Variants in C1orf54 observed in about 807,000 individuals in gnomAD.
The protein encoded by C1orf54 is uncharacterized protein C1orf54.
In C1orf54, 12 loss-of-function variants were observed where a neutral mutation model predicts 14.7. That is an observed-to-expected ratio of 0.82 (90% confidence interval 0.52 to 1.32). The LOEUF (loss-of-function observed/expected upper bound fraction) is 1.32, where lower values mean the gene tolerates loss of function less well. Among genes scored for constraint, C1orf54 ranks in the 40% most tolerant of loss-of-function variants. The pLI, the probability that C1orf54 is intolerant of heterozygous loss-of-function variation, is 0.00. For synonymous variants in C1orf54, 65 were observed against 56.3 expected (o/e 1.16, Z -0.70); for missense variants, 163 against 162.2 (o/e 1.00, Z -0.03).
chr1:150,270,413 G>A (rs1007840473), upstream of C1orf54, among the ~76,000 whole-genome samples: 6 of 150,738 alleles, frequency 4.0e-5, no homozygotes, highest in East Asian at 7.9e-4. Context: ...AGGCCAAGGC[G>A]GCTGGATCAC....
rs1338199847 is a variant in C1orf54 at position 150,276,592 on chromosome 1, A to G, written c.260A>G (p.His87Arg). The G allele has an allele frequency of 8.1e-6, 13 of 1,614,082 alleles. No homozygotes were observed. Among genetic ancestry groups the G allele is most frequent in the East Asian group, 2.2e-5 (1 of 44,898 alleles). The change falls in exon 4 of 6, where the codon CAT becomes CGT. Residue 87 changes from histidine to arginine, a missense_variant. Physicochemically the swap from His to Arg is conservative, Grantham distance 29. Transcript: ENST00000369099. ...TISLETARAD[H>R]PKPVTVKPVT... ...AGTCTTGAAACAGCACGTGCAGACC[A>G]TCCGAAGCCTGTAACTGTGAAACCA...
intron 2 of C1orf54, 78 bp downstream of exon 2, chr1:150,274,248 C>T (rs1479430919): frequency 7.4e-5 from 82 of 1,112,146 alleles, no homozygotes; most frequent in Non-Finnish European, 1.1e-4. Flanking sequence ...CTTTGCTCTT[C>T]ACTTTGAAGC....
At chr1:150,275,601 ATTAG>A (rs1344680857) in intron 2 of C1orf54, 136 bp from the exon 3 acceptor site, 16 of 616,950 alleles carry the variant, frequency 2.6e-5, no homozygotes, top group Middle Eastern at 4.5e-4. Flanking sequence ...CATTTTTAAC[ATTAG>A]TTAAATAAAA....
upstream of C1orf54, among the ~76,000 whole-genome samples, chr1:150,270,980 A>G (rs1430865273): frequency 3.2e-4 from 32 of 101,454 alleles, no homozygotes; most frequent in Admixed American, 5.6e-4. Flanking sequence ...TGGGCAACAG[A>G]GTGAGACTCC....
chr1:150,274,050 C>A, intron 1 of C1orf54, 37 bp from the exon 2 acceptor site: 1 of 1,468,062 alleles, frequency 6.8e-7, no homozygotes, highest in South Asian at 1.1e-5. Flanking sequence ...GTAAGGTGTT[C>A]CAGATGTCCC....
At chr1:150,278,997 C>A (rs782813907) in intron 4 of C1orf54, among the ~76,000 whole-genome samples, 1 of 152,198 alleles carries the variant, frequency 6.6e-6, no homozygotes, top group Non-Finnish European at 1.5e-5. Context: ...GTAGGCTGGG[C>A]GCAGTGGCTC....
intron 1 of C1orf54, among the ~76,000 whole-genome samples, chr1:150,273,857 G>A (rs1337371322): frequency 6.6e-6 from 1 of 152,114 alleles, no homozygotes; most frequent in Non-Finnish European, 1.5e-5. Context: ...GGAGTTCCTG[G>A]ATTGAAAGGG....
In C1orf54 at chr1:150,280,832, T is replaced by A. The variant is rs1653047520; in HGVS notation, c.*4-3T>A. The A allele has an allele frequency of 6.5e-7, 1 of 1,550,040 alleles. No homozygotes were observed. The highest frequency in any genetic ancestry group is 8.7e-7 in the Non-Finnish European group (1 of 1,146,772). On this transcript the variant is annotated splice_region_variant and splice_polypyrimidine_tract_variant and intron_variant, in intron 5 of 5. Coordinates refer to ENST00000369099, the MANE Select transcript of C1orf54 (RefSeq NM_024579.4). ...TATTTTCTTTCTTTCTCTGCTTTTT[T>A]AGGTGGAAGAAGGCTGCTATGACTC...
rs782247549 is a variant in C1orf54 at position 150,276,642 on chromosome 1, T to C, written c.300+10T>C. 4 of 1,603,024 alleles carry C rather than the reference T, an allele frequency of 2.5e-6. No individual in the cohort carries two copies. Among genetic ancestry groups the C allele is most frequent in the Admixed American group, 1.7e-5 (1 of 59,970 alleles). ...AGTAACAACGGAACCTGTGAGTTGATTGGGGATTGGGGGCTGGGGGGAGAC... is the reference window on the plus strand; with the variant it reads ...AGTAACAACGGAACCTGTGAGTTGACTGGGGATTGGGGGCTGGGGGGAGAC... On this transcript the variant is annotated intron_variant, in intron 4 of 5. Coordinates refer to ENST00000369099, the MANE Select transcript of C1orf54 (RefSeq NM_024579.4).
upstream of C1orf54, chr1:150,272,714 G>A: frequency 8.4e-7 from 1 of 1,192,356 alleles, no homozygotes; most frequent in Non-Finnish European, 1.2e-6. Context: ...AAGAGTTGCT[G>A]CAGCTCCTTC....
chr1:150,277,139 T>C (rs1356556800), intron 4 of C1orf54, among the ~76,000 whole-genome samples: 1 of 152,184 alleles, frequency 6.6e-6, no homozygotes, highest in Admixed American at 6.5e-5. Context: ...GAAGAATAGA[T>C]GAGCTTTTGA....
rs1553853302 is a variant in C1orf54 at position 150,280,867 on chromosome 1, G to A, written c.*36G>A. On this transcript the variant is annotated 3_prime_UTR_variant, in exon 6 of 6. Transcript: ENST00000369099. ...AAGGCTGCTATGACTCTTTGGATGG[G>A]AGTCTGGCAAGAGGAAATTGGAAGA... 6.5e-7 allele frequency: 1 copy of A among 1,550,342 alleles called. No homozygotes were observed. Among genetic ancestry groups the A allele is most frequent in the Non-Finnish European group, 8.7e-7 (1 of 1,146,906 alleles).
intron 1 of C1orf54, among the ~76,000 whole-genome samples, chr1:150,273,809 G>A (rs587613173): frequency 6.6e-6 from 1 of 152,238 alleles, no homozygotes; most frequent in South Asian, 2.1e-4. Context: ...TTCTCCCTTT[G>A]GGTTTATAGT....
intron 2 of C1orf54, among the ~76,000 whole-genome samples, chr1:150,275,034 A>AG (rs1652530556): frequency 3.2e-5 from 2 of 62,632 alleles, no homozygotes; most frequent in South Asian, 1.5e-3. Flanking sequence ...TTGTCTCTAT[A>AG]GAAAAAAAAA....
intron 4 of C1orf54, among the ~76,000 whole-genome samples, chr1:150,278,170 G>A (rs1652821437): frequency 6.6e-6 from 1 of 152,234 alleles, no homozygotes; most frequent in Non-Finnish European, 1.5e-5. Flanking sequence ...AGCAACTCAT[G>A]AGATTTGCGT....
intron 4 of C1orf54, among the ~76,000 whole-genome samples, chr1:150,278,224 A>G (rs1335981072): frequency 6.6e-6 from 1 of 152,248 alleles, no homozygotes; most frequent in Non-Finnish European, 1.5e-5. Context: ...AATGGAGAGG[A>G]GAAAAATAAA....
intron 4 of C1orf54, among the ~76,000 whole-genome samples, chr1:150,279,097 T>G (rs1652897688): frequency 6.6e-6 from 1 of 152,128 alleles, no homozygotes; most frequent in Admixed American, 6.6e-5. Flanking sequence ...ATGGCAAAAC[T>G]GTGTCTCTAC....
chr1:150,277,601 A>G (rs111847781), intron 4 of C1orf54, among the ~76,000 whole-genome samples: 2 of 149,834 alleles, frequency 1.3e-5, no homozygotes, highest in Admixed American at 6.7e-5. Context: ...TGATTGAAGG[A>G]GAGGGTATAT....
chr1:150,268,975 C>T, upstream of C1orf54: 2 of 592,180 alleles, frequency 3.4e-6, no homozygotes, highest in South Asian at 2.0e-5. Flanking sequence ...ACCGAAACCC[C>T]AAATGAAGGT....
Sources: gnomAD v4.1 joint callset for allele counts (sites outside exome capture counted in the v4.1 genomes callset) on GRCh38, gnomAD v4.1.1 for gene constraint, MANE v1.5 for transcripts, NCBI Gene and HGNC (gene_info 2026-07-23, HGNC 2026-07-21) for gene names.